Variants in RAVER2 observed in about 807,000 individuals in gnomAD.
RAVER2 encodes ribonucleoprotein PTB-binding 2.
Under a neutral mutation model 78.1 loss-of-function variants are expected in RAVER2, and 46 were observed. The observed-to-expected ratio is 0.59, with a 90% CI of 0.46 to 0.75. RAVER2 has a LOEUF of 0.75. RAVER2 is among the 30% of genes least tolerant of loss of function. The pLI is 0.00. For missense variants in RAVER2, 793 were observed against 837.5 expected, an observed-to-expected ratio of 0.95 and a Z score of 0.66; for synonymous variants, 311 against 313.3, an observed-to-expected ratio of 0.99 and a Z score of 0.08.
chr1:64,785,960 G>A (rs1474399794), intron 4 of RAVER2, among the ~76,000 whole-genome samples: 1 of 152,076 alleles, frequency 6.6e-6, no homozygotes, highest in East Asian at 1.9e-4. Flanking sequence ...TTGAAAGATA[G>A]TATTCTTGTG....
At chr1:64,775,698 A>G (rs1273287600) in intron 2 of RAVER2, among the ~76,000 whole-genome samples, 6 of 152,164 alleles carry the variant, frequency 3.9e-5, no homozygotes, top group African/African-American at 1.4e-4. Context: ...GACAGTTATG[A>G]AGCAAATCAA....
At chr1:64,791,446 T>C (rs1652939187) in intron 5 of RAVER2, among the ~76,000 whole-genome samples, 1 of 152,150 alleles carries the variant, frequency 6.6e-6, no homozygotes, top group Admixed American at 6.5e-5. Flanking sequence ...TATGTGTCCA[T>C]AATGAGTTAC....
chr1:64,751,669 G>A (rs1300499487), intron 1 of RAVER2, among the ~76,000 whole-genome samples: 1 of 152,100 alleles, frequency 6.6e-6, no homozygotes, highest in Admixed American at 6.6e-5. Context: ...TAATCATAGT[G>A]CACTGCACTG....
intron 4 of RAVER2, 92 bp from the exon 5 acceptor site, chr1:64,789,296 C>T: frequency 1.8e-6 from 2 of 1,081,332 alleles, no homozygotes; most frequent in East Asian, 2.8e-5. Flanking sequence ...TAGATCTTGT[C>T]AGATGAATGA....
intron 8 of RAVER2, among the ~76,000 whole-genome samples, chr1:64,806,896 T>G (rs1653431595): frequency 2.0e-5 from 3 of 152,142 alleles, no homozygotes; most frequent in Non-Finnish European, 2.9e-5. Context: ...AAAAAGTACA[T>G]AAACTTTGCC....
At chr1:64,813,828 GACACACACACACACACACACAC>G (rs10566575) in intron 10 of RAVER2, among the ~76,000 whole-genome samples, 186 of 146,010 alleles carry the variant, frequency 1.3e-3, no homozygotes, top group African/African-American at 4.1e-3. Flanking sequence ...TTAGAGACTA[GACACACACACACACACACACAC>G]ACACACACAC....
upstream of RAVER2, chr1:64,745,087 C>A: frequency 1.0e-6 from 1 of 997,784 alleles, no homozygotes; most frequent in Non-Finnish European, 1.2e-6. This position sits in a 1 kb window ranked among gnomAD's most constrained non-coding sequence, Gnocchi z 4.3. Flanking sequence ...CTGCCCGCCT[C>A]GCCCTCGCCC....
Position 64,772,542 on chromosome 1 carries a change from AATC to A in RAVER2, c.316+3821_316+3823del, listed in dbSNP as rs1570541662. ...TACGATGTGATGTGATCTATGCAAT[AATC>A]CGAGCAATGTTCAAGATAGAGAGGT... On this transcript the variant is annotated intron_variant, in intron 2 of 11. Transcript: ENST00000294428. Among the ~76,000 whole-genome samples, 7 of 152,244 alleles carry A rather than the reference AATC, an allele frequency of 4.6e-5. No individual in the cohort carries two copies. The South Asian group carries it at 1.5e-3, about 32-fold the overall frequency.
chr1:64,820,014 G>A (rs1653846742), intron 11 of RAVER2, among the ~76,000 whole-genome samples: 1 of 152,080 alleles, frequency 6.6e-6, no homozygotes, highest in African/African-American at 2.4e-5. Flanking sequence ...AACATATAGG[G>A]TTTATAATGT....
In RAVER2 at chr1:64,745,111, C is replaced by T. The variant is rs1487907735; in HGVS notation, c.-62C>T. ...TCGCCCTCGCCCGGGCCTCCTCCCGCTTTCTCTCTCCGCTTCCCCTGGAGC... is the reference window on the plus strand; with the variant it reads ...TCGCCCTCGCCCGGGCCTCCTCCCGTTTTCTCTCTCCGCTTCCCCTGGAGC... On this transcript the variant is annotated 5_prime_UTR_variant, in exon 1 of 12. Coordinates refer to ENST00000294428, the Ensembl canonical transcript of RAVER2. This position sits in a 1 kb window ranked among gnomAD's most constrained non-coding sequence, Gnocchi z 4.3. The T allele has an allele frequency of 8.8e-5, 89 of 1,016,082 alleles. No individual in the cohort carries two copies. The highest frequency in any genetic ancestry group is 8.9e-5 in the Non-Finnish European group (76 of 850,990). The allele number at this position is 1,016,082 out of a possible 1,614,324, so 62.9% of individuals were successfully genotyped here.
At chr1:64,818,864 T>C (rs759253212) in intron 11 of RAVER2, among the ~76,000 whole-genome samples, 1 of 152,092 alleles carries the variant, frequency 6.6e-6, no homozygotes, top group Non-Finnish European at 1.5e-5. Flanking sequence ...ACCCAAATAC[T>C]GTTGGCTGGC....
intron 10 of RAVER2, among the ~76,000 whole-genome samples, chr1:64,813,512 T>G (rs1653677230): frequency 6.6e-6 from 1 of 152,162 alleles, no homozygotes; most frequent in African/African-American, 2.4e-5. Flanking sequence ...TATCCTTACA[T>G]GTATATACTT....
intron 8 of RAVER2, 30 bp from the exon 9 acceptor site, chr1:64,807,176 A>G (rs1223138337): frequency 6.3e-7 from 1 of 1,587,302 alleles, no homozygotes; most frequent in African/African-American, 1.4e-5. Context: ...TTTCTAACTA[A>G]AAGCTTTTTG....
At chr1:64,802,062 A>G (rs1011335296) in intron 5 of RAVER2, among the ~76,000 whole-genome samples, 2 of 152,212 alleles carry the variant, frequency 1.3e-5, no homozygotes, top group African/African-American at 4.8e-5. Context: ...TAGACCATAT[A>G]GGGTAACTTT....
chr1:64,754,801 A>T (rs1651804856), intron 1 of RAVER2, among the ~76,000 whole-genome samples: 1 of 152,238 alleles, frequency 6.6e-6, no homozygotes, highest in Non-Finnish European at 1.5e-5. Flanking sequence ...TTACCTGAGT[A>T]GGGACCATTT....
intron 1 of RAVER2, among the ~76,000 whole-genome samples, chr1:64,753,361 A>T (rs76170379): frequency 0.066 from 10,072 of 151,502 alleles, 473 homozygotes; most frequent in Non-Finnish European, 0.096. Flanking sequence ...GGCTTTTTTT[A>T]AAAAAAATAT....
intron 4 of RAVER2, among the ~76,000 whole-genome samples, chr1:64,782,595 T>C (rs1286701894): frequency 6.6e-6 from 1 of 152,174 alleles, no homozygotes; most frequent in East Asian, 1.9e-4. Flanking sequence ...ACTTAAAATT[T>C]AACTGCACAT....
intron 2 of RAVER2, among the ~76,000 whole-genome samples, chr1:64,770,841 G>GA (rs1340190669): frequency 6.6e-6 from 1 of 151,644 alleles, no homozygotes; most frequent in African/African-American, 2.4e-5. Context: ...CACTGTGGAA[G>GA]AAAAAATTAG....
intron 2 of RAVER2, among the ~76,000 whole-genome samples, chr1:64,772,904 T>C (rs941416851): frequency 6.6e-5 from 10 of 152,224 alleles, no homozygotes; most frequent in South Asian, 2.1e-4. Flanking sequence ...GCTTTTTTTG[T>C]GAGTAATAGC....
Sources: gnomAD v4.1 joint callset for allele counts (sites outside exome capture counted in the v4.1 genomes callset) on GRCh38, gnomAD v4.1.1 for gene constraint, Gnocchi (gnomAD v3.1) non-coding constraint, MANE v1.5 for transcripts, NCBI Gene and HGNC (gene_info 2026-07-23, HGNC 2026-07-21) for gene names.